Variants in CHP1 observed in about 807,000 individuals in gnomAD.
The protein encoded by CHP1 is calcineurin B homologous protein 1.
In CHP1, 11 loss-of-function variants were observed where a neutral mutation model predicts 27.4. The ratio of observed to expected loss-of-function variants is 0.40; its 90% CI spans 0.25 to 0.67. CHP1 has a LOEUF of 0.67. CHP1 is among the 30% of genes least tolerant of loss of function. The pLI, the probability that CHP1 is intolerant of heterozygous loss-of-function variation, is 0.38. For missense variants in CHP1, 169 were observed against 251.3 expected, an observed-to-expected ratio of 0.67 and a Z score of 2.22; for synonymous variants, 89 against 87.4, an observed-to-expected ratio of 1.02 and a Z score of -0.10.
chr15:41,261,436 A>C (rs2047432537), intron 3 of CHP1, among the ~76,000 whole-genome samples: 1 of 152,064 alleles, frequency 6.6e-6, no homozygotes, highest in South Asian at 2.1e-4. Flanking sequence ...GATGATGGGC[A>C]TGGACCACCG....
chr15:41,235,515 G>T (rs1310410750), intron 1 of CHP1, among the ~76,000 whole-genome samples: 1 of 151,864 alleles, frequency 6.6e-6, no homozygotes, highest in Non-Finnish European at 1.5e-5. Flanking sequence ...AACAGACCCT[G>T]TCTCAAAAAA....
At chr15:41,250,724 G>C (rs1483295316) in intron 2 of CHP1, among the ~76,000 whole-genome samples, 1 of 149,574 alleles carries the variant, frequency 6.7e-6, no homozygotes, top group South Asian at 2.1e-4. Context: ...AGTCTAAGAA[G>C]GTTCACCTAA....
chr15:41,245,862 T>C (rs2047331920), intron 2 of CHP1, among the ~76,000 whole-genome samples: 1 of 152,210 alleles, frequency 6.6e-6, no homozygotes, highest in Admixed American at 6.5e-5. Context: ...TGGTATCATA[T>C]ATAAGAAACC....
chr15:41,279,328 T>C lies in CHP1; in HGVS notation c.535-8T>C, dbSNP rs753094442. On this transcript the variant is annotated splice_polypyrimidine_tract_variant and splice_region_variant and intron_variant, in intron 6 of 6. Coordinates refer to ENST00000334660, the MANE Select transcript of CHP1 (RefSeq NM_007236.5). ...ACCTTTGTAACTGTTACTGGTTTTC[T>C]CCCCCAGGTTTTGGAGAAGGTGGAT... 6.2e-7 allele frequency: 1 copy of C among 1,612,064 alleles called. No homozygotes were observed. Among genetic ancestry groups the C allele is most frequent in the Non-Finnish European group, 8.5e-7 (1 of 1,178,274 alleles).
intron 2 of CHP1, among the ~76,000 whole-genome samples, chr15:41,253,826 C>T (rs903389708): frequency 6.6e-6 from 1 of 151,870 alleles, no homozygotes; most frequent in South Asian, 2.1e-4. Flanking sequence ...ACTCTGTCAC[C>T]CAGGCTCGAG....
Position 41,278,829 on chromosome 15 carries a change from G to A in CHP1, c.474G>A (p.Arg158=), listed in dbSNP as rs75179002. 1,548 of 1,614,182 alleles carry A rather than the reference G, an allele frequency of 9.6e-4. 1 individual carries two copies. The highest frequency in any genetic ancestry group is 2.4e-3 in the Admixed American group (145 of 60,026). Residue 158 remains arginine (R), a synonymous_variant, in exon 6 of 7, where the codon AGG becomes AGA. Transcript: ENST00000334660. ...AGCAGCTGGGCAGCATCGCAGACAG[G>A]ACCATTCAGGAGGCTGATCAGGATG... ...SDEQLGSIAD[R]TIQEADQDGD... is the part of the protein sequence containing the mutation.
At chr15:41,238,261 A>T (rs1434502891) in intron 1 of CHP1, among the ~76,000 whole-genome samples, 1 of 151,868 alleles carries the variant, frequency 6.6e-6, no homozygotes, top group Admixed American at 6.6e-5. Context: ...GGGCTGAAAC[A>T]GTCCTTCTGC....
At chr15:41,278,001 G>A (rs548370549) in intron 5 of CHP1, among the ~76,000 whole-genome samples, 7 of 151,580 alleles carry the variant, frequency 4.6e-5, no homozygotes, top group African/African-American at 1.2e-4. Context: ...ACATGGAAAA[G>A]GTACAGTAAA....
chr15:41,246,463 G>A (rs1283328270), intron 2 of CHP1, among the ~76,000 whole-genome samples: 2 of 151,248 alleles, frequency 1.3e-5, no homozygotes, highest in African/African-American at 4.9e-5. Flanking sequence ...AGGATTACAG[G>A]CGCATGACAC....
chr15:41,231,387 G>A lies in CHP1; in HGVS notation c.5G>A (p.Gly2Asp). ...GGAGGAGCTCCCGGCACGGCGATGG[G>A]TTCTCGGGCCTCCACGTTACTGCGG... M[G>D]SRASTLLRDE... Residue 2 changes from glycine to aspartate, a missense_variant, in exon 1 of 7, where the codon GGT (glycine) becomes GAT (aspartate). Physicochemically the swap from Gly to Asp is moderately conservative, Grantham distance 94 (BLOSUM62 -1). Coordinates refer to ENST00000334660, the MANE Select transcript of CHP1 (RefSeq NM_007236.5). 2 of 1,600,648 alleles carry A rather than the reference G, an allele frequency of 1.2e-6. No homozygotes were observed. The highest frequency in any genetic ancestry group is 1.7e-6 in the Non-Finnish European group (2 of 1,174,922).
chr15:41,235,680 G>A (rs2047273211), intron 1 of CHP1, among the ~76,000 whole-genome samples: 1 of 152,232 alleles, frequency 6.6e-6, no homozygotes, highest in Admixed American at 6.5e-5. Context: ...AAGTTGCACA[G>A]GTTGGTAAGG....
chr15:41,234,897 T>C (rs2047269134), intron 1 of CHP1, among the ~76,000 whole-genome samples: 1 of 152,286 alleles, frequency 6.6e-6, no homozygotes, highest in Non-Finnish European at 1.5e-5. Flanking sequence ...GTGACAGCAT[T>C]TTATACTTCT....
intron 2 of CHP1, among the ~76,000 whole-genome samples, chr15:41,253,721 TG>T: frequency 6.6e-6 from 1 of 152,064 alleles, no homozygotes; most frequent in East Asian, 1.9e-4. Context: ...CCCAAAGTGC[TG>T]GGATTACAGG....
chr15:41,266,815 T>A (rs1426521172), intron 4 of CHP1, among the ~76,000 whole-genome samples: 1 of 151,954 alleles, frequency 6.6e-6, no homozygotes, highest in African/African-American at 2.4e-5. Context: ...GCCTGGCCAA[T>A]GTGGTGAAAT....
intron 2 of CHP1, among the ~76,000 whole-genome samples, chr15:41,254,568 G>C (rs1217481823): frequency 3.9e-5 from 6 of 152,174 alleles, no homozygotes; most frequent in African/African-American, 1.4e-4. Context: ...AAGCAATCCA[G>C]TTATCTTATG....
intron 2 of CHP1, among the ~76,000 whole-genome samples, chr15:41,256,082 G>GTTCTGCT (rs1232199982): frequency 6.6e-6 from 1 of 152,146 alleles, no homozygotes; most frequent in Non-Finnish European, 1.5e-5. Flanking sequence ...TTGACTTACA[G>GTTCTGCT]ACTTAGATTT....
chr15:41,234,813 A>T (rs2047268667), intron 1 of CHP1, among the ~76,000 whole-genome samples: 1 of 152,202 alleles, frequency 6.6e-6, no homozygotes, highest in Non-Finnish European at 1.5e-5. Flanking sequence ...ATAGTTAACA[A>T]TCGTCTTATT....
At chr15:41,262,137 C>G (rs1439585798) in intron 3 of CHP1, among the ~76,000 whole-genome samples, 1 of 151,998 alleles carries the variant, frequency 6.6e-6, no homozygotes, top group Non-Finnish European at 1.5e-5. Flanking sequence ...CCACTGCATT[C>G]CAGCCTGGAT....
intron 1 of CHP1, among the ~76,000 whole-genome samples, chr15:41,243,226 A>G (rs1449641838): frequency 2.1e-4 from 32 of 152,120 alleles, no homozygotes; most frequent in Admixed American, 2.1e-3. Flanking sequence ...CTGTAATCCC[A>G]GCTACTCGGG....
Sources: allele counts gnomAD v4.1 joint callset (sites outside exome capture counted in the v4.1 genomes callset), GRCh38; gene constraint gnomAD v4.1.1; transcripts MANE v1.5; gene names NCBI Gene and HGNC (gene_info 2026-07-23, HGNC 2026-07-21).